The following OPCML variants were observed in gnomAD, a reference collection of about 807,000 sequenced individuals.
The protein encoded by OPCML is opioid-binding protein/cell adhesion molecule.
OPCML carries 13 observed loss-of-function variants against 37.8 expected under a neutral mutation model. That is an observed-to-expected ratio of 0.34 (90% CI 0.22 to 0.55). OPCML has a LOEUF of 0.55. Ranked by LOEUF, OPCML falls within the 20% of genes least tolerant of loss-of-function variation. The pLI is 0.91. For missense variants in OPCML, 341 were observed against 435.6 expected (o/e 0.78, Z 1.93); for synonymous variants, 176 against 168.8 (o/e 1.04, Z -0.33).
At chr11:133,514,793 C>G (rs1022739518) in intron 1 of OPCML, among the ~76,000 whole-genome samples, 1 of 152,150 alleles carries the variant, frequency 6.6e-6, no homozygotes, top group Non-Finnish European at 1.5e-5. Context: ...AGCTGTCACT[C>G]TCACTCCTGT....
intron 1 of OPCML, among the ~76,000 whole-genome samples, chr11:133,191,382 A>C (rs1211812523): frequency 1.3e-5 from 2 of 152,182 alleles, no homozygotes; most frequent in Non-Finnish European, 2.9e-5. Flanking sequence ...ATGATTGTAG[A>C]GGGTAATTTA....
In OPCML at chr11:132,925,389, T is replaced by C. The variant is rs542795310; in HGVS notation, c.146+17537A>G. Reference sequence around the variant, plus strand: ...GTTCTGGTTTAAACAAAAAACAATGTAATTAGGCTGTGGGAAAATAGTTTC... The same window carrying C: ...GTTCTGGTTTAAACAAAAAACAATGCAATTAGGCTGTGGGAAAATAGTTTC... On this transcript the variant is annotated intron_variant, in intron 2 of 7. Transcript: ENST00000524381. Among the ~76,000 whole-genome samples, 6 of 152,318 alleles carry C rather than the reference T, an allele frequency of 3.9e-5. No homozygotes were observed. The South Asian group carries it at 1.2e-3, about 32-fold the overall frequency.
At chr11:133,513,202 T>C (rs1948196148) in intron 1 of OPCML, among the ~76,000 whole-genome samples, 1 of 152,136 alleles carries the variant, frequency 6.6e-6, no homozygotes, top group Non-Finnish European at 1.5e-5. Flanking sequence ...CACCTTTGAC[T>C]CTATTTATAA....
At chr11:132,771,016 C>T (rs1591586256) in intron 2 of OPCML, among the ~76,000 whole-genome samples, 1 of 152,120 alleles carries the variant, frequency 6.6e-6, no homozygotes, top group African/African-American at 2.4e-5. Flanking sequence ...TTATTCTTGG[C>T]ACTAGGAGTC....
chr11:132,801,692 C>A (rs1204797102), intron 2 of OPCML, among the ~76,000 whole-genome samples: 1 of 152,118 alleles, frequency 6.6e-6, no homozygotes, highest in Non-Finnish European at 1.5e-5. Flanking sequence ...TTATCTTGAG[C>A]TTTTCCATTT....
intron 4 of OPCML, among the ~76,000 whole-genome samples, chr11:132,514,695 C>A (rs544454867): frequency 6.6e-6 from 1 of 152,236 alleles, no homozygotes; most frequent in Admixed American, 6.5e-5. Context: ...TTCATGCCTT[C>A]TGGGACAGAA....
chr11:132,420,399 C>T lies in OPCML; in HGVS notation c.917-106G>A, dbSNP rs1191613045. 6.6e-5 allele frequency: 98 copies of T among 1,479,500 alleles called. 2 individuals are homozygous for T. In the East Asian group the frequency reaches 9.7e-4, roughly 15 times the overall value. 91.6% of individuals were successfully genotyped at this position (1,479,500 alleles called of 1,614,324 possible). A position where few individuals can be genotyped will look rare whatever the true frequency, so the allele number is the denominator to read the frequency against. The stretch of plus-strand genomic sequence containing the variant: ...ACATGCTTCCCACCTTCCACCCTTC[C>T]GCTGACCATTCCAAGTCTAAACAAA... On this transcript the variant is annotated intron_variant, in intron 7 of 7. Coordinates refer to ENST00000524381, the MANE Select transcript of OPCML (RefSeq NM_001012393.5).
chr11:133,304,490 T>A (rs1225398983), intron 1 of OPCML, among the ~76,000 whole-genome samples: 2 of 152,172 alleles, frequency 1.3e-5, no homozygotes, highest in Admixed American at 1.3e-4. Flanking sequence ...AGAGAAAGGA[T>A]GCAATTTCAG....
intron 1 of OPCML, among the ~76,000 whole-genome samples, chr11:133,051,598 C>A (rs189309769): frequency 4.1e-4 from 62 of 152,312 alleles, no homozygotes; most frequent in African/African-American, 1.4e-3. Flanking sequence ...ATCTCCCCAG[C>A]AGCACATGGC....
intron 3 of OPCML, among the ~76,000 whole-genome samples, chr11:132,572,903 T>C (rs2096441859): frequency 6.6e-6 from 1 of 152,088 alleles, no homozygotes; most frequent in South Asian, 2.1e-4. Flanking sequence ...TTCTATTTGT[T>C]TGGGTCTTAT....
intron 4 of OPCML, among the ~76,000 whole-genome samples, chr11:132,509,183 C>A (rs1470732122): frequency 6.6e-6 from 1 of 152,018 alleles, no homozygotes; most frequent in Non-Finnish European, 1.5e-5. Flanking sequence ...ATTTGTGGAA[C>A]TTTGAAGTTG....
chr11:132,511,904 T>C (rs903672910), intron 4 of OPCML, among the ~76,000 whole-genome samples: 1 of 152,108 alleles, frequency 6.6e-6, no homozygotes, highest in Admixed American at 6.5e-5. Flanking sequence ...ACAAGATTCC[T>C]TTAGAAGCAC....
intron 2 of OPCML, among the ~76,000 whole-genome samples, chr11:132,923,519 A>G (rs1340282226): frequency 6.6e-6 from 1 of 152,206 alleles, no homozygotes; most frequent in African/African-American, 2.4e-5. Context: ...ATATAGAAAG[A>G]GGTTGGGAAA....
At chr11:133,310,908 T>A (rs1943053592) in intron 1 of OPCML, among the ~76,000 whole-genome samples, 1 of 152,226 alleles carries the variant, frequency 6.6e-6, no homozygotes, top group Admixed American at 6.5e-5. Context: ...TGGAAAACAG[T>A]GAAATATAAT....
intron 2 of OPCML, among the ~76,000 whole-genome samples, chr11:132,718,932 T>C (rs541111118): frequency 6.6e-6 from 1 of 152,314 alleles, no homozygotes; most frequent in Admixed American, 6.5e-5. Flanking sequence ...CCAAAGGGTC[T>C]GGAAAGGAAG....
intron 3 of OPCML, among the ~76,000 whole-genome samples, chr11:132,651,688 G>T (rs1006059078): frequency 2.2e-4 from 34 of 152,220 alleles, no homozygotes; most frequent in African/African-American, 7.9e-4. Flanking sequence ...GGCAGGGCTG[G>T]GAACACATTT....
intron 1 of OPCML, among the ~76,000 whole-genome samples, chr11:133,204,876 A>ATATATATATATATATATATGTGTG (rs1565502194): frequency 9.9e-3 from 296 of 29,986 alleles, no homozygotes; most frequent in Non-Finnish European, 0.016. Context: ...GTGTATATAT[A>ATATATATATATATATATATGTGTG]TATATATATA....
chr11:133,004,927 C>T (rs766637562), intron 1 of OPCML: 11 of 985,388 alleles, frequency 1.1e-5, no homozygotes, highest in Non-Finnish European at 1.3e-5. Context: ...TCTCCATTGC[C>T]TGCCCCTTCC....
intron 2 of OPCML, among the ~76,000 whole-genome samples, chr11:132,726,992 T>A (rs1378239444): frequency 6.6e-6 from 1 of 152,078 alleles, no homozygotes; most frequent in Non-Finnish European, 1.5e-5. Flanking sequence ...GCGGAATGAG[T>A]CCAGCATTCT....
Sources: allele counts gnomAD v4.1 joint callset (sites outside exome capture counted in the v4.1 genomes callset), GRCh38; gene constraint gnomAD v4.1.1; transcripts MANE v1.5; gene names NCBI Gene and HGNC (gene_info 2026-07-23, HGNC 2026-07-21).